DEPDC5: variants seen among roughly 807,000 people sequenced by gnomAD.
DEPDC5 encodes the protein DEP domain containing 5, GATOR1 subcomplex subunit, also known as GATOR1 complex protein DEPDC5.
Under a neutral mutation model 217.3 loss-of-function variants are expected in DEPDC5, and 73 were observed. The ratio of observed to expected loss-of-function variants is 0.34; its 90% CI spans 0.28 to 0.41. The LOEUF (loss-of-function observed/expected upper bound fraction) is 0.41, where lower values mean the gene tolerates loss of function less well. DEPDC5 is among the 10% of genes least tolerant of loss of function. The pLI, the probability that DEPDC5 is intolerant of heterozygous loss-of-function variation, is 1.00. For synonymous variants in DEPDC5, 733 were observed against 756.7 expected, an observed-to-expected ratio of 0.97 and a Z score of 0.51; for missense variants, 1,675 against 2,070.1, an observed-to-expected ratio of 0.81 and a Z score of 3.70.
Position 31,842,867 on chromosome 22 carries a change from C to T in DEPDC5, c.2516-228C>T, listed in dbSNP as rs74902559. 0.037 allele frequency among the ~76,000 whole-genome samples: 5,561 copies of T among 152,278 alleles called. 158 individuals are homozygous for T. Among genetic ancestry groups the T allele is most frequent in the African/African-American group, 0.08 (3,328 of 41,560 alleles). On this transcript the variant is annotated intron_variant, in intron 27 of 42. Transcript: ENST00000651528. ...GAGTGTGCCATCTAGGTGCTATCAG[C>T]TAGCACCTTCAGGCTCTAATCTGCT...
intron 15 of DEPDC5, among the ~76,000 whole-genome samples, chr22:31,803,601 C>T (rs1210998904): frequency 6.6e-6 from 1 of 152,044 alleles, no homozygotes; most frequent in African/African-American, 2.4e-5. Context: ...CAGCCCCACA[C>T]CCCCCAATTT....
chr22:31,834,518 CTTT>C (rs367796337), intron 25 of DEPDC5, among the ~76,000 whole-genome samples: 4 of 141,066 alleles, frequency 2.8e-5, no homozygotes, highest in African/African-American at 2.6e-5. Context: ...TTTGTCCCCA[CTTT>C]TTTTTTTTTT....
Position 31,754,902 on chromosome 22 carries a change from A to G in DEPDC5, c.-20A>G. The G allele has an allele frequency of 1.2e-6, 2 of 1,614,086 alleles. No individual in the cohort carries two copies. Among genetic ancestry groups the G allele is most frequent in the South Asian group, 1.1e-5 (1 of 91,058 alleles). On this transcript the variant is annotated 5_prime_UTR_variant, in exon 2 of 43. An upstream open reading frame in the 5' UTR loses its in-frame stop. Coordinates refer to ENST00000651528, the MANE Select transcript of DEPDC5 (RefSeq NM_001242896.3). ...TCTCTGCCCCAAGCTTGGAACAGCT[A>G]AAGGGAAAAACAGTGCAAGATGAGA...
At chr22:31,905,480 CA>C (rs1194894266) in intron 41 of DEPDC5, among the ~76,000 whole-genome samples, 2 of 149,620 alleles carry the variant, frequency 1.3e-5, no homozygotes, top group Admixed American at 6.7e-5. Context: ...TCCCTCTCAC[CA>C]AAAAAAAAGA....
rs2082840094 is a variant in DEPDC5, at chr22:31,766,590, G to A, written c.285G>A (p.Val95=). ...CATTTGATTATTCCTTTTAGGATGT[G>A]ACCCTTGACCTAGTGGAATTAACTT... is the stretch of plus-strand genomic sequence containing the variant. ...VYVNVVDPKD[V]TLDLVELTFK... Residue 95 remains valine, a synonymous_variant, in exon 6 of 43, where the codon GTG becomes GTA. Coordinates refer to ENST00000651528, the MANE Select transcript of DEPDC5 (RefSeq NM_001242896.3). The A allele has an allele frequency of 2.5e-6, 4 of 1,613,716 alleles. No homozygotes were observed. Among genetic ancestry groups the A allele is most frequent in the Non-Finnish European group, 3.4e-6 (4 of 1,179,854 alleles).
chr22:31,801,985 T>C (rs1224148473), intron 14 of DEPDC5, among the ~76,000 whole-genome samples: 1 of 149,798 alleles, frequency 6.7e-6, no homozygotes, highest in East Asian at 1.9e-4. Context: ...CTCTTTTAAA[T>C]AGTGTCTTAA....
Position 31,906,406 on chromosome 22 carries a change from A to G in DEPDC5, c.4721A>G (p.Lys1574Arg). 2.5e-6 allele frequency: 4 copies of G among 1,614,100 alleles called. No homozygotes were observed. The highest frequency in any genetic ancestry group is 3.4e-6 in the Non-Finnish European group (4 of 1,180,026). The part of the protein sequence containing the change: ...GDEKFADRLL[K>R]DFTDFCINRD... ...GAAAAGTTTGCTGATCGGCTGCTGA[A>G]GGACTTCACGGACTTCTGCATCAAC... The change falls in exon 43 of 43, where the codon AAG (lysine) becomes AGG (arginine). Residue 1574 changes from lysine to arginine, a missense_variant. Lys to Arg is a conservative substitution (Grantham distance 26). Transcript: ENST00000651528. The surrounding 1 kb of genome is among the most constrained non-coding windows in gnomAD (Gnocchi z 5.1).
chr22:31,768,736 A>C, intron 6 of DEPDC5, 78 bp from the exon 7 acceptor site: 1 of 1,250,556 alleles, frequency 8.0e-7, no homozygotes, highest in Non-Finnish European at 1.1e-6. Flanking sequence ...TGGCCTTAAT[A>C]TGTTAATCAA....
chr22:31,794,055 A>G (rs1298881100), intron 12 of DEPDC5, among the ~76,000 whole-genome samples: 1 of 152,202 alleles, frequency 6.6e-6, no homozygotes. Flanking sequence ...ACAGAGTTTC[A>G]GTAACTTATC....
At chr22:31,803,945 C>G (rs1229129311) in intron 15 of DEPDC5, among the ~76,000 whole-genome samples, 1 of 152,012 alleles carries the variant, frequency 6.6e-6, no homozygotes, top group Non-Finnish European at 1.5e-5. Context: ...TTGTCAAGCA[C>G]CGAATAATGA....
intron 39 of DEPDC5, among the ~76,000 whole-genome samples, chr22:31,896,753 C>G (rs921800606): frequency 6.6e-6 from 1 of 152,164 alleles, no homozygotes; most frequent in Non-Finnish European, 1.5e-5. Flanking sequence ...GTCATTTCCC[C>G]TCCTCCATCA....
intron 10 of DEPDC5, among the ~76,000 whole-genome samples, chr22:31,789,557 T>G (rs748461266): frequency 6.6e-6 from 1 of 152,314 alleles, no homozygotes; most frequent in Non-Finnish European, 1.5e-5. Flanking sequence ...ATGGTGATAG[T>G]TATACAACAT....
intron 33 of DEPDC5, among the ~76,000 whole-genome samples, chr22:31,863,716 A>T (rs2092592098): frequency 6.6e-6 from 1 of 152,174 alleles, no homozygotes. Flanking sequence ...TGAGGTCAGG[A>T]GTTCGAGACC....
At chr22:31,859,079 G>GTTTTTTTTTTTTTTTT (rs136864) in intron 32 of DEPDC5, 3 of 67,008 alleles carry the variant, frequency 4.5e-5, no homozygotes, top group Non-Finnish European at 2.8e-5. Flanking sequence ...CCATTCCTTT[G>GTTTTTTTTTTTTTTTT]TTTTTTTTTT....
intron 21 of DEPDC5, chr22:31,815,632 C>T (rs529108938): frequency 1.4e-5 from 8 of 579,804 alleles, no homozygotes; most frequent in East Asian, 8.9e-5. Flanking sequence ...CTCCTGGACT[C>T]AATTGATCCT....
chr22:31,881,368 G>A (rs567481884), intron 38 of DEPDC5, among the ~76,000 whole-genome samples: 1 of 151,798 alleles, frequency 6.6e-6, no homozygotes, highest in Non-Finnish European at 1.5e-5. Context: ...ATTGCCTGTT[G>A]CTGTGTGTGA....
Position 31,906,360 on chromosome 22 carries a change from C to T in DEPDC5, c.4675C>T (p.Arg1559Cys). The T allele has an allele frequency of 3.7e-6, 6 of 1,614,072 alleles. No individual in the cohort carries two copies. The highest frequency in any genetic ancestry group is 4.2e-6 in the Non-Finnish European group (5 of 1,179,960). ...CAACACCATGCTCACCAAAACATGG[C>T]GCTCCAGCGCCACAGGGGATGAAAA... ...AYNTMLTKTW[R>C]SSATGDEKFA... Residue 1559 changes from arginine to cysteine, a missense_variant, in exon 43 of 43, where the codon CGC becomes TGC. This residue lies in a region of DEPDC5 where 49 missense variants were observed against 74.7 expected (regional missense o/e 0.66). Transcript: ENST00000651528. This position sits in a 1 kb window ranked among gnomAD's most constrained non-coding sequence, Gnocchi z 5.1.
At chr22:31,773,835 G>A (rs1055723767) in intron 7 of DEPDC5, among the ~76,000 whole-genome samples, 6 of 152,178 alleles carry the variant, frequency 3.9e-5, no homozygotes, top group African/African-American at 1.4e-4. Flanking sequence ...ACTTTGGGAG[G>A]CCAAGGTGGG....
At chr22:31,866,488 C>T (rs1236485404) in intron 33 of DEPDC5, among the ~76,000 whole-genome samples, 6 of 152,124 alleles carry the variant, frequency 3.9e-5, no homozygotes, top group African/African-American at 7.2e-5. Context: ...CGAGTTCAAG[C>T]GATTCTCCTG....
Sources: allele counts gnomAD v4.1 joint callset (sites outside exome capture counted in the v4.1 genomes callset), GRCh38; gene constraint gnomAD v4.1.1; regional missense constraint gnomAD v4.1.1; non-coding constraint Gnocchi (gnomAD v3.1); transcripts MANE v1.5; gene names NCBI Gene and HGNC (gene_info 2026-07-23, HGNC 2026-07-21).